Variants in NCOA1 observed in about 807,000 individuals in gnomAD.
The protein encoded by NCOA1 is nuclear receptor coactivator 1.
Under a neutral mutation model 150.9 loss-of-function variants are expected in NCOA1, and 35 were observed. The observed-to-expected ratio is 0.23, with a 90% CI of 0.18 to 0.31. The LOEUF (loss-of-function observed/expected upper bound fraction) is 0.31, where lower values mean the gene tolerates loss of function less well. NCOA1 is among the 10% of genes least tolerant of loss of function. The probability of loss-of-function intolerance (pLI) is 1.00; values close to 1 mark genes in which losing one functional copy is unlikely to be tolerated. For missense variants in NCOA1, 1,491 were observed against 1,749.3 expected, an observed-to-expected ratio of 0.85 and a Z score of 2.63; for synonymous variants, 590 against 630.0, an observed-to-expected ratio of 0.94 and a Z score of 0.95.
chr2:24,673,122 T>C (rs188735998), intron 6 of NCOA1, among the ~76,000 whole-genome samples: 3 of 152,354 alleles, frequency 2.0e-5, no homozygotes, highest in East Asian at 3.9e-4. Context: ...ACACTGGATG[T>C]AGTATTCAAA....
intron 19 of NCOA1, among the ~76,000 whole-genome samples, chr2:24,749,014 A>G (rs1664081240): frequency 1.3e-5 from 2 of 152,226 alleles, no homozygotes; most frequent in African/African-American, 4.8e-5. Context: ...TAACTGTGAG[A>G]TGTATTTTGT....
chr2:24,560,650 A>G (rs572882904), intron 1 of NCOA1, among the ~76,000 whole-genome samples: 45 of 152,250 alleles, frequency 3.0e-4, no homozygotes, highest in South Asian at 8.3e-4. Flanking sequence ...CCTGATTCCA[A>G]TAAGTAGAAT....
At chr2:24,676,316 C>G (rs13028668) in intron 7 of NCOA1, 67,809 of 152,158 alleles carry the variant, frequency 0.45, 16,670 homozygotes, top group Admixed American at 0.61. Context: ...GTGGTGCTCA[C>G]TTTGGCAGCA....
intron 3 of NCOA1, among the ~76,000 whole-genome samples, chr2:24,613,475 A>G (rs898161539): frequency 4.6e-5 from 7 of 152,186 alleles, no homozygotes; most frequent in African/African-American, 7.2e-5. Context: ...GGAGAAGCCA[A>G]TGGGCAGCCA....
intron 3 of NCOA1, among the ~76,000 whole-genome samples, chr2:24,606,013 A>G (rs954113494): frequency 2.0e-5 from 3 of 152,178 alleles, no homozygotes; most frequent in Non-Finnish European, 4.4e-5. Context: ...CTTATATTTC[A>G]CAGATATCTA....
chr2:24,766,922 C>G (rs1471337519), intron 22 of NCOA1, among the ~76,000 whole-genome samples: 1 of 151,966 alleles, frequency 6.6e-6, no homozygotes, highest in Non-Finnish European at 1.5e-5. Flanking sequence ...GAGCTAGAAG[C>G]CACATTTGGG....
chr2:24,527,761 G>T (rs559264584), intron 1 of NCOA1, among the ~76,000 whole-genome samples: 114 of 152,218 alleles, frequency 7.5e-4, no homozygotes, highest in Non-Finnish European at 1.2e-3. Context: ...CATAATGGCT[G>T]CACTAATCCA....
chr2:24,630,000 C>T (rs1450802572), intron 3 of NCOA1, among the ~76,000 whole-genome samples: 3 of 151,588 alleles, frequency 2.0e-5, no homozygotes, highest in African/African-American at 7.3e-5. Context: ...TCTGCCATCA[C>T]GCCCGGCTAA....
chr2:24,701,349 A>C (rs547535597), intron 11 of NCOA1, among the ~76,000 whole-genome samples: 1 of 152,156 alleles, frequency 6.6e-6, no homozygotes. Flanking sequence ...ACAAAAAATA[A>C]AAATACAAAA....
chr2:24,601,640 C>CT (rs1184369968), intron 3 of NCOA1, among the ~76,000 whole-genome samples: 9 of 123,358 alleles, frequency 7.3e-5, no homozygotes, highest in African/African-American at 2.4e-4. Context: ...TTCTTTCTTT[C>CT]TTCTTTTTTT....
chr2:24,739,412 T>C lies in NCOA1; in HGVS notation c.3202-20T>C, dbSNP rs749521502. Reference sequence around the variant, plus strand: ...TGCTTGTGTGTAGAAATATATCTTATTGTTTCCATTTTTCTCTAGTTGATA... The same window carrying C: ...TGCTTGTGTGTAGAAATATATCTTACTGTTTCCATTTTTCTCTAGTTGATA... On this transcript the variant is annotated intron_variant, in intron 17 of 22. Coordinates refer to ENST00000348332, the MANE Select transcript of NCOA1 (RefSeq NM_003743.5). The C allele has an allele frequency of 4.6e-6, 7 of 1,534,886 alleles. No homozygotes were observed. The Admixed American group carries it at 8.4e-5, about 18-fold the overall frequency.
At chr2:24,725,137 A>T (rs940710986) in intron 14 of NCOA1, among the ~76,000 whole-genome samples, 2 of 152,188 alleles carry the variant, frequency 1.3e-5, no homozygotes, top group Admixed American at 6.5e-5. Flanking sequence ...ACTAGCATTA[A>T]GTACATTTTG....
intron 8 of NCOA1, among the ~76,000 whole-genome samples, chr2:24,685,070 T>C (rs955665510): frequency 4.6e-5 from 7 of 151,996 alleles, no homozygotes; most frequent in Non-Finnish European, 7.4e-5. Flanking sequence ...AAGAAAGAAA[T>C]TTGAAGAAAA....
chr2:24,653,416 T>C (rs1465608017), intron 4 of NCOA1, among the ~76,000 whole-genome samples: 1 of 152,202 alleles, frequency 6.6e-6, no homozygotes, highest in African/African-American at 2.4e-5. Flanking sequence ...AAATTTCATG[T>C]TTCTCAATTA....
At chr2:24,686,886 AT>A (rs939046281) in intron 8 of NCOA1, among the ~76,000 whole-genome samples, 1 of 152,142 alleles carries the variant, frequency 6.6e-6, no homozygotes, top group Non-Finnish European at 1.5e-5. Flanking sequence ...TGACATGTAA[AT>A]TATTACCAGA....
chr2:24,706,287 CATTATATTTTACATAAA>C (rs1004611109), intron 12 of NCOA1, among the ~76,000 whole-genome samples: 7 of 151,844 alleles, frequency 4.6e-5, no homozygotes, highest in South Asian at 4.1e-4. Context: ...AAAATTTTTA[CATTATATTTTACATAAA>C]ATTATATTTT....
At chr2:24,546,106 A>C (rs1338069502) in intron 1 of NCOA1, among the ~76,000 whole-genome samples, 1 of 152,118 alleles carries the variant, frequency 6.6e-6, no homozygotes, top group Non-Finnish European at 1.5e-5. Flanking sequence ...ATTGGATTTA[A>C]TCACAAACTG....
intron 2 of NCOA1, among the ~76,000 whole-genome samples, chr2:24,568,059 A>G (rs1233076995): frequency 6.6e-6 from 1 of 152,124 alleles, no homozygotes; most frequent in Non-Finnish European, 1.5e-5. Context: ...TCAATTTCTT[A>G]TATCTCCTCA....
chr2:24,524,641 A>T (rs1000650380), intron 1 of NCOA1, among the ~76,000 whole-genome samples: 1 of 151,626 alleles, frequency 6.6e-6, no homozygotes. Flanking sequence ...GAGTTTCACT[A>T]TTGTTGCCCA....
Sources: allele counts gnomAD v4.1 joint callset (sites outside exome capture counted in the v4.1 genomes callset), GRCh38; gene constraint gnomAD v4.1.1; transcripts MANE v1.5; gene names NCBI Gene and HGNC (gene_info 2026-07-23, HGNC 2026-07-21).